ARHGAP42: variants seen among roughly 807,000 people sequenced by gnomAD.
The protein encoded by ARHGAP42 is rho GTPase-activating protein 42.
A neutral mutation model predicts 125.0 loss-of-function variants in ARHGAP42; 63 were observed. That is an observed-to-expected ratio of 0.50 (90% CI 0.41 to 0.62). The LOEUF (loss-of-function observed/expected upper bound fraction) is 0.62, where lower values mean the gene tolerates loss of function less well. Ranked by LOEUF, ARHGAP42 falls within the 20% of genes least tolerant of loss-of-function variation. The pLI, the probability that ARHGAP42 is intolerant of heterozygous loss-of-function variation, is 0.00. For missense variants in ARHGAP42, 766 were observed against 1,024.2 expected (o/e 0.75, Z 3.44); for synonymous variants, 339 against 351.0 (o/e 0.97, Z 0.38).
At position 100,826,403 on chromosome 11, in the gene ARHGAP42, C is replaced by A. The variant is rs907253860; in HGVS notation, c.312+31237C>A. On this transcript the variant is annotated intron_variant, in intron 3 of 23. Coordinates refer to ENST00000298815, the MANE Select transcript of ARHGAP42 (RefSeq NM_152432.4). ...TTTATACTATGGATATCCAAAGTAGCCTTAATATTATCTTAGGGACAATAT... is the reference window on the plus strand; with the variant it reads ...TTTATACTATGGATATCCAAAGTAGACTTAATATTATCTTAGGGACAATAT... Among the ~76,000 whole-genome samples, 13 of 152,224 alleles carry A rather than the reference C, an allele frequency of 8.5e-5. No homozygotes were observed. In the East Asian group the frequency reaches 2.5e-3, roughly 29 times the overall value.
intron 1 of ARHGAP42, among the ~76,000 whole-genome samples, chr11:100,758,259 T>G (rs529938375): frequency 6.6e-6 from 1 of 152,312 alleles, no homozygotes; most frequent in African/African-American, 2.4e-5. Flanking sequence ...GGTAAACAGA[T>G]TTTATTATTG....
chr11:100,815,213 A>G (rs1403304582), intron 3 of ARHGAP42, among the ~76,000 whole-genome samples: 4 of 152,218 alleles, frequency 2.6e-5, no homozygotes, highest in East Asian at 1.9e-4. Flanking sequence ...TATGAAGGGT[A>G]TTATATTGCA....
In ARHGAP42 at chr11:100,956,373, A is replaced by T. The variant is rs1024839676; in HGVS notation, c.1163-3510A>T. Among the ~76,000 whole-genome samples, 4 of 152,264 alleles carry T rather than the reference A, an allele frequency of 2.6e-5. No homozygotes were observed. The East Asian group carries it at 7.7e-4, about 29-fold the overall frequency. ...CATTTCTTCTTTATAGTACATGTCCATATAGGTCAGCAGTGACTCTCAACA... is the reference window on the plus strand; with the variant it reads ...CATTTCTTCTTTATAGTACATGTCCTTATAGGTCAGCAGTGACTCTCAACA... On this transcript the variant is annotated intron_variant, in intron 12 of 23. Coordinates refer to ENST00000298815, the MANE Select transcript of ARHGAP42 (RefSeq NM_152432.4).
intron 3 of ARHGAP42, among the ~76,000 whole-genome samples, chr11:100,796,922 A>AC (rs1863731008): frequency 6.6e-6 from 1 of 151,936 alleles, no homozygotes; most frequent in East Asian, 1.9e-4. Flanking sequence ...GGTGCACCCC[A>AC]CCCACCTGGC....
At chr11:100,763,319 G>A (rs1862753951) in intron 1 of ARHGAP42, among the ~76,000 whole-genome samples, 1 of 146,840 alleles carries the variant, frequency 6.8e-6, no homozygotes, top group Admixed American at 6.6e-5. Flanking sequence ...TGTTTTGCCA[G>A]TTAGTTTACA....
intron 3 of ARHGAP42, among the ~76,000 whole-genome samples, chr11:100,809,644 G>T (rs1259374212): frequency 6.6e-6 from 1 of 152,192 alleles, no homozygotes; most frequent in Admixed American, 6.5e-5. Flanking sequence ...AGGGCCTCTA[G>T]TCTGTTCAGT....
chr11:100,739,501 A>T (rs953010312), intron 1 of ARHGAP42, among the ~76,000 whole-genome samples: 2 of 152,230 alleles, frequency 1.3e-5, no homozygotes, highest in African/African-American at 2.4e-5. Flanking sequence ...TGATTAACTT[A>T]GATAAAAATA....
chr11:100,806,849 A>G (rs1298372966), intron 3 of ARHGAP42, among the ~76,000 whole-genome samples: 1 of 150,812 alleles, frequency 6.6e-6, no homozygotes, highest in Non-Finnish European at 1.5e-5. Context: ...TTATTTATTT[A>G]TTTATTTATT....
chr11:100,884,771 A>G lies in ARHGAP42; in HGVS notation c.384+25146A>G, dbSNP rs547303452. 6.6e-5 allele frequency among the ~76,000 whole-genome samples: 10 copies of G among 152,162 alleles called. No homozygotes were observed. In the East Asian group the frequency reaches 1.9e-3, roughly 29 times the overall value. ...TACCGTAATGAAATTTATCATTCGT[A>G]TTTCAGAATATTTTCACATTCTTCT... is the stretch of plus-strand genomic sequence containing the variant. On this transcript the variant is annotated intron_variant, in intron 4 of 23. Coordinates refer to ENST00000298815, the MANE Select transcript of ARHGAP42 (RefSeq NM_152432.4).
At chr11:100,761,271 A>C (rs977543034) in intron 1 of ARHGAP42, among the ~76,000 whole-genome samples, 1 of 152,206 alleles carries the variant, frequency 6.6e-6, no homozygotes, top group Non-Finnish European at 1.5e-5. Context: ...TTGAGGTAAA[A>C]CATGGTGGCT....
chr11:100,787,672 G>A (rs1863468466), intron 2 of ARHGAP42, among the ~76,000 whole-genome samples: 2 of 152,182 alleles, frequency 1.3e-5, no homozygotes, highest in African/African-American at 2.4e-5. Flanking sequence ...CTGGGTACCT[G>A]TGCAATATCA....
At chr11:100,783,517 G>A (rs533471196) in intron 2 of ARHGAP42, among the ~76,000 whole-genome samples, 108 of 152,270 alleles carry the variant, frequency 7.1e-4, no homozygotes, top group Non-Finnish European at 1.2e-3. Flanking sequence ...TACTGTTTTA[G>A]TCTATTCCTG....
chr11:100,783,375 G>T (rs1316910447), intron 2 of ARHGAP42, among the ~76,000 whole-genome samples: 1 of 152,226 alleles, frequency 6.6e-6, no homozygotes, highest in Non-Finnish European at 1.5e-5. Flanking sequence ...GGCGGAGGCT[G>T]CAGTGAGCTG....
chr11:100,709,013 G>A (rs544608749), intron 1 of ARHGAP42, among the ~76,000 whole-genome samples: 16 of 152,034 alleles, frequency 1.1e-4, no homozygotes, highest in Admixed American at 6.5e-4. Context: ...CTTTCTTTTT[G>A]TGATCTGTCA....
At chr11:100,900,649 T>G (rs1017228282) in intron 4 of ARHGAP42, among the ~76,000 whole-genome samples, 13 of 152,196 alleles carry the variant, frequency 8.5e-5, no homozygotes, top group African/African-American at 3.1e-4. Context: ...TCACTTTATT[T>G]CATTAATTTG....
chr11:100,769,104 A>G (rs1862909094), intron 1 of ARHGAP42, among the ~76,000 whole-genome samples: 1 of 152,192 alleles, frequency 6.6e-6, no homozygotes, highest in Non-Finnish European at 1.5e-5. Flanking sequence ...GTAAGTATGT[A>G]TATCTAAATA....
Position 100,824,817 on chromosome 11 carries a change from A to G in ARHGAP42, c.312+29651A>G, listed in dbSNP as rs114895085. 8.0e-3 allele frequency among the ~76,000 whole-genome samples: 1,218 copies of G among 152,234 alleles called. 17 individuals carry two copies. The highest frequency in any genetic ancestry group is 0.028 in the African/African-American group (1,154 of 41,538). On this transcript the variant is annotated intron_variant, in intron 3 of 23. Transcript: ENST00000298815. ...CCAAGTTTTGAATAACCTTACCTCT[A>G]TTACCACACATTTTGCCTGATTTTA... is the stretch of plus-strand genomic sequence containing the variant.
At chr11:100,863,664 T>G (rs921877605) in intron 4 of ARHGAP42, among the ~76,000 whole-genome samples, 4 of 152,232 alleles carry the variant, frequency 2.6e-5, no homozygotes, top group Non-Finnish European at 4.4e-5. Context: ...TTCTGCTGTT[T>G]CAGATACTTG....
At chr11:100,778,156 T>C (rs976197536) in intron 2 of ARHGAP42, among the ~76,000 whole-genome samples, 2 of 151,940 alleles carry the variant, frequency 1.3e-5, no homozygotes, top group East Asian at 1.9e-4. Flanking sequence ...CTGGGTAACA[T>C]GTTGAGACCC....
Sources: allele counts gnomAD v4.1 joint callset (sites outside exome capture counted in the v4.1 genomes callset), GRCh38; gene constraint gnomAD v4.1.1; transcripts MANE v1.5; gene names NCBI Gene and HGNC (gene_info 2026-07-23, HGNC 2026-07-21).